The following PTPRG variants were observed in gnomAD, a reference collection of about 807,000 sequenced individuals.
The protein encoded by PTPRG is receptor-type tyrosine-protein phosphatase gamma.
Under a neutral mutation model 165.3 loss-of-function variants are expected in PTPRG, and 102 were observed. The observed-to-expected ratio is 0.62, with a 90% CI of 0.53 to 0.73. The LOEUF (loss-of-function observed/expected upper bound fraction) is 0.73. Ranked by LOEUF, PTPRG falls within the 30% of genes least tolerant of loss-of-function variation. The pLI is 0.00. For missense variants in PTPRG, 1,866 were observed against 1,861.4 expected (o/e 1.00, Z -0.05); for synonymous variants, 675 against 669.5 (o/e 1.01, Z -0.13).
chr3:62,167,858 C>T (rs751781694), intron 7 of PTPRG, 113 bp from the exon 8 acceptor site: 29 of 1,087,250 alleles, frequency 2.7e-5, no homozygotes, highest in Admixed American at 4.2e-5. Flanking sequence ...CACTTCCTAC[C>T]GTTTCATGCT....
chr3:61,577,736 C>G (rs1452413304), intron 1 of PTPRG, among the ~76,000 whole-genome samples: 1 of 152,144 alleles, frequency 6.6e-6, no homozygotes, highest in African/African-American at 2.4e-5. Flanking sequence ...CCTTTTCTCA[C>G]CTTCCAGAAG....
chr3:62,112,576 C>T (rs2106863300), intron 5 of PTPRG, among the ~76,000 whole-genome samples: 1 of 152,316 alleles, frequency 6.6e-6, no homozygotes, highest in Non-Finnish European at 1.5e-5. Context: ...TTTATAAGCT[C>T]CCAGTAGATA....
At position 61,775,499 on chromosome 3, in the gene PTPRG, C is replaced by T. The variant is rs138077691; in HGVS notation, c.190+26517C>T. On this transcript the variant is annotated intron_variant, in intron 2 of 29. Transcript: ENST00000474889. ...TTTTAATCGTATTAAAATAATGTTACGGGAGAAATGCTAACCTCATAATGG... is the reference window on the plus strand; with the variant it reads ...TTTTAATCGTATTAAAATAATGTTATGGGAGAAATGCTAACCTCATAATGG... Among the ~76,000 whole-genome samples, 502 of 152,134 alleles carry T rather than the reference C, an allele frequency of 3.3e-3. 3 individuals are homozygous for T. The Middle Eastern group carries it at 0.041, about 12-fold the overall frequency.
chr3:61,773,315 A>G (rs2034268555), intron 2 of PTPRG, among the ~76,000 whole-genome samples: 2 of 152,198 alleles, frequency 1.3e-5, no homozygotes, highest in African/African-American at 2.4e-5. Flanking sequence ...TATTTGAGAA[A>G]TAAAAGTGAT....
At chr3:61,599,600 C>T (rs1318179692) in intron 1 of PTPRG, among the ~76,000 whole-genome samples, 3 of 152,028 alleles carry the variant, frequency 2.0e-5, no homozygotes, top group Non-Finnish European at 4.4e-5. Context: ...TCAAGTGGTC[C>T]TCCCAACTTA....
chr3:61,858,258 C>T (rs2037169440), intron 2 of PTPRG, among the ~76,000 whole-genome samples: 4 of 152,140 alleles, frequency 2.6e-5, no homozygotes, highest in Admixed American at 2.6e-4. Context: ...CAATAGGTGG[C>T]ACACTACTAC....
At chr3:61,627,479 G>T (rs911390529) in intron 1 of PTPRG, among the ~76,000 whole-genome samples, 11 of 152,068 alleles carry the variant, frequency 7.2e-5, no homozygotes, top group Admixed American at 1.3e-4. Flanking sequence ...GCTTTATCAG[G>T]CCTACTTCTT....
chr3:61,731,626 C>T lies in PTPRG; in HGVS notation c.86-17252C>T, dbSNP rs1455204696. ...CCTCCCAAAGTGCTGGGATTACAGG[C>T]GTGAGCCACTGTGCCCAGTCAGAAG... On this transcript the variant is annotated intron_variant, in intron 1 of 29. Coordinates refer to ENST00000474889, the MANE Select transcript of PTPRG (RefSeq NM_002841.4). 3.3e-5 allele frequency among the ~76,000 whole-genome samples: 5 copies of T among 152,022 alleles called. No individual in the cohort carries two copies. In the South Asian group the frequency reaches 6.2e-4, roughly 19 times the overall value.
intron 1 of PTPRG, among the ~76,000 whole-genome samples, chr3:61,720,792 T>C (rs560209632): frequency 6.6e-6 from 1 of 152,202 alleles, no homozygotes; most frequent in African/African-American, 2.4e-5. Context: ...TGACCTCCAT[T>C]GATGGATTAA....
At chr3:62,104,698 A>G (rs181146803) in intron 5 of PTPRG, among the ~76,000 whole-genome samples, 1 of 152,294 alleles carries the variant, frequency 6.6e-6, no homozygotes, top group Non-Finnish European at 1.5e-5. Flanking sequence ...CTTGCTTTTG[A>G]TGAGGAACAG....
chr3:62,237,569 C>T lies in PTPRG; in HGVS notation c.2376-6238C>T, dbSNP rs1701062449. On this transcript the variant is annotated intron_variant, in intron 14 of 29. Transcript: ENST00000474889. This position sits in a 1 kb window ranked among gnomAD's most constrained non-coding sequence, Gnocchi z 4.5. ...ATGTACTCTGCACGTTGTGTGTGCTCTGTTTTCCCAAGAGTAGACTTTATT... is the reference window on the plus strand; with the variant it reads ...ATGTACTCTGCACGTTGTGTGTGCTTTGTTTTCCCAAGAGTAGACTTTATT... 1.3e-5 allele frequency among the ~76,000 whole-genome samples: 2 copies of T among 152,166 alleles called. No individual in the cohort carries two copies. Among genetic ancestry groups the T allele is most frequent in the South Asian group, 4.1e-4 (2 of 4,824 alleles).
intron 1 of PTPRG, among the ~76,000 whole-genome samples, chr3:61,723,286 T>C (rs372227257): frequency 6.6e-6 from 1 of 152,254 alleles, no homozygotes; most frequent in South Asian, 2.1e-4. Context: ...CTTTTTACTG[T>C]CACAACAGCA....
At chr3:61,932,698 A>G (rs534266640) in intron 2 of PTPRG, among the ~76,000 whole-genome samples, 1 of 152,338 alleles carries the variant, frequency 6.6e-6, no homozygotes, top group Admixed American at 6.5e-5. Context: ...AGTAAGGGCA[A>G]AAGGTGGGTT....
intron 9 of PTPRG, 112 bp from the exon 10 acceptor site, chr3:62,194,950 G>C: frequency 1.0e-6 from 1 of 966,408 alleles, no homozygotes; most frequent in Non-Finnish European, 1.6e-6. Context: ...TGGTCAGCAG[G>C]GAAGCATCAC....
At chr3:62,130,828 C>T (rs780526519) in intron 5 of PTPRG, among the ~76,000 whole-genome samples, 1 of 152,146 alleles carries the variant, frequency 6.6e-6, no homozygotes, top group Non-Finnish European at 1.5e-5. Context: ...AAGAATGTTT[C>T]ACGCTTCAGT....
In PTPRG at chr3:62,096,530, TATG is replaced by T. The variant is rs771735375; in HGVS notation, c.615+18278_615+18280del. Among the ~76,000 whole-genome samples, 39 of 152,350 alleles carry T rather than the reference TATG, an allele frequency of 2.6e-4. No homozygotes were observed. The East Asian group carries it at 3.9e-3, about 15-fold the overall frequency. ...TTGGAGAGCTGGACAAGGGCATGAT[TATG>T]ATGATCAGCTCATGTGTATGTTTTG... On this transcript the variant is annotated intron_variant, in intron 5 of 29. Transcript: ENST00000474889.
chr3:61,935,574 A>G (rs2039465588), intron 2 of PTPRG, among the ~76,000 whole-genome samples: 2 of 152,146 alleles, frequency 1.3e-5, no homozygotes, highest in Admixed American at 1.3e-4. Context: ...GCAGCTGGAC[A>G]GTGGTACATT....
At chr3:61,771,851 G>T (rs2034214935) in intron 2 of PTPRG, among the ~76,000 whole-genome samples, 1 of 151,946 alleles carries the variant, frequency 6.6e-6, no homozygotes, top group South Asian at 2.1e-4. Context: ...CCTGAGGTCA[G>T]GATTTCGAGA....
intron 26 of PTPRG, among the ~76,000 whole-genome samples, chr3:62,280,044 T>G (rs752023559): frequency 7.2e-5 from 11 of 152,058 alleles, no homozygotes; most frequent in Non-Finnish European, 1.5e-4. Context: ...GGGATAGAAT[T>G]CAAGGACCAA....
Sources: gnomAD v4.1 joint callset for allele counts (sites outside exome capture counted in the v4.1 genomes callset) on GRCh38, gnomAD v4.1.1 for gene constraint, Gnocchi (gnomAD v3.1) non-coding constraint, MANE v1.5 for transcripts, NCBI Gene and HGNC (gene_info 2026-07-23, HGNC 2026-07-21) for gene names.